Variants in CCDC88A observed in about 807,000 individuals in gnomAD.
CCDC88A encodes the protein girdin.
CCDC88A carries 54 observed loss-of-function variants against 234.3 expected under a neutral mutation model. The ratio of observed to expected loss-of-function variants is 0.23; its 90% CI spans 0.19 to 0.29. The LOEUF (loss-of-function observed/expected upper bound fraction) is 0.29. Among genes scored for constraint, CCDC88A ranks in the 10% least tolerant of loss-of-function variants. The probability of loss-of-function intolerance (pLI) is 1.00; values close to 1 mark genes in which losing one functional copy is unlikely to be tolerated. For synonymous variants in CCDC88A, 753 were observed against 737.8 expected (o/e 1.02, Z -0.33); for missense variants, 1,832 against 2,123.4 (o/e 0.86, Z 2.70).
intron 29 of CCDC88A, 86 bp downstream of exon 29, chr2:55,299,753 G>A: frequency 2.4e-6 from 2 of 828,882 alleles, no homozygotes. Flanking sequence ...TGGATTTCAT[G>A]CTTTACCCCA....
intron 2 of CCDC88A, among the ~76,000 whole-genome samples, chr2:55,401,997 T>G (rs1316676189): frequency 2.2e-5 from 1 of 45,668 alleles, no homozygotes; most frequent in African/African-American, 4.3e-5. Context: ...AACCCACCCT[T>G]TATTTCTTTT....
chr2:55,386,723 C>T (rs766689818), intron 3 of CCDC88A, among the ~76,000 whole-genome samples: 9 of 151,702 alleles, frequency 5.9e-5, no homozygotes, highest in Non-Finnish European at 1.3e-4. Flanking sequence ...CCGCCCACCT[C>T]GGCCTCCCAA....
Position 55,419,014 on chromosome 2 carries a change from T to C in CCDC88A, c.63+3A>G, listed in dbSNP as rs1452598508. The C allele has an allele frequency of 6.2e-7, 1 of 1,612,098 alleles. No homozygotes were observed. The highest frequency in any genetic ancestry group is 1.1e-5 in the South Asian group (1 of 91,040). On this transcript the variant is annotated splice_donor_region_variant and intron_variant, in intron 1 of 32. Transcript: ENST00000436346. ...AATATACAATAAAGGACACCCCACT[T>C]ACCCAAGTGACCAAAGGGCTGGTCA...
rs190232071 is a variant in CCDC88A at position 55,396,653 on chromosome 2, G to C, written c.165-7767C>G. Among the ~76,000 whole-genome samples, 9 of 152,108 alleles carry C rather than the reference G, an allele frequency of 5.9e-5. No individual in the cohort carries two copies. The East Asian group carries it at 9.7e-4, about 16-fold the overall frequency. ...TGGGAGGCTGAGGCGGGCAGATCAC[G>C]AGGTCTGGAGATCGAGACCATCCTG... is the stretch of plus-strand genomic sequence containing the variant. On this transcript the variant is annotated intron_variant, in intron 2 of 32. Coordinates refer to ENST00000436346, the MANE Select transcript of CCDC88A (RefSeq NM_001365480.1).
At chr2:55,315,874 G>C in intron 22 of CCDC88A, 54 bp downstream of exon 22, 1 of 922,044 alleles carries the variant, frequency 1.1e-6, no homozygotes, top group Admixed American at 2.8e-5. Flanking sequence ...TTATTTCTTA[G>C]GCATGTCTTG....
chr2:55,410,746 A>C (rs902487383), intron 2 of CCDC88A, among the ~76,000 whole-genome samples: 3 of 152,072 alleles, frequency 2.0e-5, no homozygotes, highest in Admixed American at 2.0e-4. Flanking sequence ...AAAAAAAGAA[A>C]AGAAAAATTA....
chr2:55,367,558 G>A (rs1672204958), intron 5 of CCDC88A, among the ~76,000 whole-genome samples: 1 of 52,798 alleles, frequency 1.9e-5, no homozygotes, highest in African/African-American at 1.1e-4. Flanking sequence ...GTCTTGCTAC[G>A]TTACCAGGCT....
At position 55,302,000 on chromosome 2, in the gene CCDC88A, G is replaced by A. The variant is rs1233555118; in HGVS notation, c.4544C>T (p.Pro1515Leu). 1.2e-6 allele frequency: 2 copies of A among 1,614,118 alleles called. No individual in the cohort carries two copies. Among genetic ancestry groups the A allele is most frequent in the Non-Finnish European group, 1.7e-6 (2 of 1,179,966 alleles). ...WTGSTENLEV[P>L]DDISTGKRRK... ...CCTTTTACCCGTTGAAATATCATCA[G>A]GAACCTCCAAATTCTCAGTACTACC... The change falls in exon 27 of 33, where the codon CCT (proline) becomes CTT (leucine). Residue 1515 changes from proline (P) to leucine (L), a missense_variant. By Grantham distance (98) the Pro-to-Leu change is moderately conservative. This residue lies in a region of CCDC88A where 422 missense variants were observed against 416.5 expected (regional missense o/e 1.01). Coordinates refer to ENST00000436346, the MANE Select transcript of CCDC88A (RefSeq NM_001365480.1).
At chr2:55,386,615 G>A (rs1675689795) in intron 3 of CCDC88A, among the ~76,000 whole-genome samples, 1 of 151,692 alleles carries the variant, frequency 6.6e-6, no homozygotes, top group Admixed American at 6.6e-5. Context: ...GAGATTACAG[G>A]TGCCCACCAC....
intron 3 of CCDC88A, among the ~76,000 whole-genome samples, chr2:55,381,236 A>G (rs895431774): frequency 6.6e-6 from 1 of 152,174 alleles, no homozygotes; most frequent in African/African-American, 2.4e-5. Flanking sequence ...TCGTACAATG[A>G]CAAAATTGCC....
intron 2 of CCDC88A, among the ~76,000 whole-genome samples, chr2:55,389,443 G>A (rs1037651871): frequency 2.0e-5 from 3 of 152,142 alleles, no homozygotes; most frequent in African/African-American, 7.2e-5. Flanking sequence ...GTCAACCATG[G>A]TTTAGAATGG....
chr2:55,299,315 C>T (rs1233498022), intron 29 of CCDC88A, among the ~76,000 whole-genome samples: 2 of 151,610 alleles, frequency 1.3e-5, no homozygotes, highest in African/African-American at 2.4e-5. Flanking sequence ...TTGGAATGCA[C>T]ATTTAAAAAT....
chr2:55,351,782 C>G (rs1486985273), intron 8 of CCDC88A, among the ~76,000 whole-genome samples: 2 of 152,120 alleles, frequency 1.3e-5, no homozygotes, highest in Non-Finnish European at 2.9e-5. Flanking sequence ...ATGTTCATAG[C>G]AGCATTATTC....
chr2:55,384,461 T>G (rs1444853182), intron 3 of CCDC88A, among the ~76,000 whole-genome samples: 1 of 146,784 alleles, frequency 6.8e-6, no homozygotes, highest in East Asian at 2.0e-4. Flanking sequence ...TATATGAACT[T>G]GCTTAAATAT....
chr2:55,377,848 C>T (rs370242966), intron 3 of CCDC88A, among the ~76,000 whole-genome samples: 4 of 152,060 alleles, frequency 2.6e-5, no homozygotes, highest in Admixed American at 6.5e-5. Flanking sequence ...CATCGTGATC[C>T]GCCTGCCTTG....
chr2:55,378,219 A>G (rs1426089765), intron 3 of CCDC88A, among the ~76,000 whole-genome samples: 1 of 152,040 alleles, frequency 6.6e-6, no homozygotes, highest in Non-Finnish European at 1.5e-5. Flanking sequence ...CCCATGCTCT[A>G]CTGTTAATTT....
intron 31 of CCDC88A, chr2:55,294,955 A>G (rs1451720545): frequency 8.4e-7 from 1 of 1,194,038 alleles, no homozygotes; most frequent in African/African-American, 1.6e-5. Flanking sequence ...TTTTAAATAA[A>G]AAATAAAAAC....
intron 3 of CCDC88A, among the ~76,000 whole-genome samples, chr2:55,379,253 G>T (rs2104847698): frequency 6.6e-6 from 1 of 152,136 alleles, no homozygotes; most frequent in East Asian, 1.9e-4. Flanking sequence ...AATGGAAAAA[G>T]AATATATAAA....
At chr2:55,393,912 T>C (rs1172575315) in intron 2 of CCDC88A, among the ~76,000 whole-genome samples, 1 of 152,232 alleles carries the variant, frequency 6.6e-6, no homozygotes, top group African/African-American at 2.4e-5. Flanking sequence ...TCCATTTCTA[T>C]TCAATGTCTG....
Sources: allele counts gnomAD v4.1 joint callset (sites outside exome capture counted in the v4.1 genomes callset), GRCh38; gene constraint gnomAD v4.1.1; regional missense constraint gnomAD v4.1.1; transcripts MANE v1.5; gene names NCBI Gene and HGNC (gene_info 2026-07-23, HGNC 2026-07-21).